Variants in CACNB4 observed in about 807,000 individuals in gnomAD.
CACNB4 encodes voltage-dependent L-type calcium channel subunit beta-4.
A neutral mutation model predicts 71.2 loss-of-function variants in CACNB4; 32 were observed. The ratio of observed to expected loss-of-function variants is 0.45; its 90% CI spans 0.34 to 0.60. The LOEUF (loss-of-function observed/expected upper bound fraction) is 0.60. Ranked by LOEUF, CACNB4 falls within the 20% of genes least tolerant of loss-of-function variation. CACNB4 has a pLI of 0.01. For synonymous variants in CACNB4, 231 were observed against 236.9 expected (o/e 0.97, Z 0.23); for missense variants, 464 against 647.9 (o/e 0.72, Z 3.08).
At chr2:151,863,297 C>T (rs1271191221) in intron 9 of CACNB4, among the ~76,000 whole-genome samples, 3 of 152,120 alleles carry the variant, frequency 2.0e-5, no homozygotes, top group African/African-American at 7.2e-5. Flanking sequence ...AACTCCTGAC[C>T]TCAGGTGATC....
At chr2:151,973,636 G>A (rs761995705) in intron 2 of CACNB4, 24 of 1,597,270 alleles carry the variant, frequency 1.5e-5, no homozygotes, top group Non-Finnish European at 2.0e-5. Context: ...AAGAGGAGGG[G>A]AGAGGGAATT....
chr2:152,037,102 G>C (rs1230772473), intron 2 of CACNB4, among the ~76,000 whole-genome samples: 4 of 152,194 alleles, frequency 2.6e-5, no homozygotes, highest in East Asian at 1.9e-4. Context: ...GATTCTTGCG[G>C]GGGCATAGGT....
intron 2 of CACNB4, among the ~76,000 whole-genome samples, chr2:151,928,036 G>C (rs1393458244): frequency 6.6e-6 from 1 of 152,204 alleles, no homozygotes; most frequent in East Asian, 1.9e-4. Context: ...TGAGGCAGCA[G>C]AACCAGCAGC....
intron 8 of CACNB4, 87 bp from the exon 9 acceptor site, chr2:151,869,322 G>T (rs2099843999): frequency 5.1e-6 from 4 of 782,346 alleles, no homozygotes; most frequent in Middle Eastern, 2.3e-4. Context: ...GGAGGGAAGG[G>T]TACTATGAGC....
At chr2:151,891,450 C>A (rs2099850700) in intron 2 of CACNB4, among the ~76,000 whole-genome samples, 2 of 152,144 alleles carry the variant, frequency 1.3e-5, no homozygotes, top group South Asian at 4.1e-4. Flanking sequence ...AGGGTAGATT[C>A]CTTTTGTTAG....
At chr2:151,985,778 C>A (rs1681327351) in intron 2 of CACNB4, among the ~76,000 whole-genome samples, 1 of 151,780 alleles carries the variant, frequency 6.6e-6, no homozygotes. Context: ...AATGTCCATC[C>A]ACATCTAAAT....
intron 2 of CACNB4, among the ~76,000 whole-genome samples, chr2:152,092,391 C>A (rs187385415): frequency 2.0e-5 from 3 of 152,268 alleles, no homozygotes; most frequent in African/African-American, 7.2e-5. Context: ...ATTTGTTTGC[C>A]AACTTGTTTT....
chr2:151,880,020 TG>T (rs2099847424), intron 4 of CACNB4: 1 of 152,238 alleles, frequency 6.6e-6, no homozygotes, highest in South Asian at 2.1e-4. Context: ...ACCATTCAGA[TG>T]CCAGGGCACA....
chr2:151,996,129 G>A (rs1447937367), intron 2 of CACNB4, among the ~76,000 whole-genome samples: 6 of 152,174 alleles, frequency 3.9e-5, no homozygotes, highest in Non-Finnish European at 7.4e-5. Flanking sequence ...GGTATTGCCC[G>A]TAATAGATAC....
intron 3 of CACNB4, 100 bp from the exon 4 acceptor site, chr2:151,881,022 C>T: frequency 8.6e-7 from 1 of 1,167,986 alleles, no homozygotes; most frequent in Non-Finnish European, 1.2e-6. Context: ...AAATAACTTT[C>T]CAAAGAGGGA....
intron 2 of CACNB4, among the ~76,000 whole-genome samples, chr2:151,952,158 C>T (rs779008761): frequency 6.6e-6 from 1 of 152,020 alleles, no homozygotes; most frequent in East Asian, 1.9e-4. Flanking sequence ...TACTGTGATA[C>T]AAATATCAAC....
At chr2:151,949,132 A>G (rs1361510860) in intron 2 of CACNB4, among the ~76,000 whole-genome samples, 1 of 150,992 alleles carries the variant, frequency 6.6e-6, no homozygotes, top group African/African-American at 2.4e-5. Context: ...CTTTCCTTCC[A>G]TACTTTAATT....
chr2:152,081,498 A>G (rs1560187023), intron 2 of CACNB4, among the ~76,000 whole-genome samples: 1 of 151,968 alleles, frequency 6.6e-6, no homozygotes, highest in Non-Finnish European at 1.5e-5. Flanking sequence ...AAAAAGAAAA[A>G]GAAAAAAAAA....
chr2:152,050,936 A>G (rs1009176811), intron 2 of CACNB4, among the ~76,000 whole-genome samples: 2 of 151,824 alleles, frequency 1.3e-5, no homozygotes, highest in African/African-American at 4.8e-5. Context: ...CACCACATCC[A>G]GCTAATTTTT....
At chr2:151,964,174 C>T (rs2099870441) in intron 2 of CACNB4, among the ~76,000 whole-genome samples, 1 of 151,168 alleles carries the variant, frequency 6.6e-6, no homozygotes. Flanking sequence ...TTCATCATGG[C>T]TAAACCACGC....
At chr2:151,870,980 T>G in intron 6 of CACNB4, 119 bp from the exon 7 acceptor site, 1 of 708,576 alleles carries the variant, frequency 1.4e-6, no homozygotes, top group Non-Finnish European at 2.4e-6. Flanking sequence ...ACCACCTTCC[T>G]ATCGCCCACT....
chr2:151,918,858 A>T (rs2099858209), intron 2 of CACNB4, among the ~76,000 whole-genome samples: 1 of 152,264 alleles, frequency 6.6e-6, no homozygotes. Context: ...CACCATATCA[A>T]CATTCCGACT....
chr2:151,930,166 C>A (rs1335803443), intron 2 of CACNB4, among the ~76,000 whole-genome samples: 1 of 152,038 alleles, frequency 6.6e-6, no homozygotes, highest in Non-Finnish European at 1.5e-5. Flanking sequence ...CAAAATAACC[C>A]TAAACAGAGT....
chr2:151,853,757 G>T (rs2099839605), intron 11 of CACNB4: 1 of 408,408 alleles, frequency 2.4e-6, no homozygotes, highest in Non-Finnish European at 4.3e-6. Flanking sequence ...CTAACTCTGT[G>T]TGAAGTCTCA....
Sources: gnomAD v4.1 joint callset for allele counts (sites outside exome capture counted in the v4.1 genomes callset) on GRCh38, gnomAD v4.1.1 for gene constraint, MANE v1.5 for transcripts, NCBI Gene and HGNC (gene_info 2026-07-23, HGNC 2026-07-21) for gene names.